The following YJEFN3 variants were observed in gnomAD, a reference collection of about 807,000 sequenced individuals.
YJEFN3 encodes YjeF N-terminal domain containing 3.
In YJEFN3, 29 loss-of-function variants were observed where a neutral mutation model predicts 31.5. The observed-to-expected ratio is 0.92, with a 90% confidence interval of 0.69 to 1.26. The LOEUF is 1.26. Ranked by LOEUF, YJEFN3 falls within the 50% of genes most tolerant of loss-of-function variation. The pLI is 0.00. For synonymous variants in YJEFN3, 227 were observed against 196.1 expected (o/e 1.16, Z -1.32); for missense variants, 442 against 425.4 (o/e 1.04, Z -0.34).
At chr19:19,530,296 C>A (rs1044422042) in intron 2 of YJEFN3, among the ~76,000 whole-genome samples, 1 of 152,042 alleles carries the variant, frequency 6.6e-6, no homozygotes, top group Non-Finnish European at 1.5e-5. Context: ...CCACTGAACA[C>A]CCCCAGAATC....
chr19:19,533,177 C>T (rs148386770), intron 3 of YJEFN3: 19 of 997,754 alleles, frequency 1.9e-5, no homozygotes, highest in Middle Eastern at 5.0e-4. Flanking sequence ...GAGCTGCAAC[C>T]CAGGTGTGTC....
At chr19:19,535,290 T>C (rs1448627746) in intron 4 of YJEFN3, 47 bp from the exon 5 acceptor site, 1 of 1,582,280 alleles carries the variant, frequency 6.3e-7, no homozygotes, top group African/African-American at 1.3e-5. Flanking sequence ...GGTCTGGTGC[T>C]GGTGACCAGG....
intron 2 of YJEFN3, among the ~76,000 whole-genome samples, chr19:19,532,081 G>C (rs771458017): frequency 6.6e-6 from 1 of 152,040 alleles, no homozygotes; most frequent in African/African-American, 2.4e-5. Flanking sequence ...CCTGAAAATC[G>C]GTCACCAAAG....
rs762574757 is a variant in YJEFN3, at chr19:19,535,558, G to A, written c.573G>A (p.Leu191=). The change falls in exon 6 of 7, where the codon CTG becomes CTA. Residue 191 remains leucine (L), a synonymous_variant. Transcript: ENST00000514277. ...AGCTCATTAACGAAGCCTATGGGCTGGTGGTGGATGCCGTACTGGGCCCCG... is the reference window on the plus strand; with the variant it reads ...AGCTCATTAACGAAGCCTATGGGCTAGTGGTGGATGCCGTACTGGGCCCCG... ...EVQLINEAYG[L]VVDAVLGPGV... 1.9e-6 allele frequency: 3 copies of A among 1,592,064 alleles called. No individual in the cohort carries two copies. In the South Asian group the frequency reaches 3.4e-5, roughly 18 times the overall value.
At position 19,534,768 on chromosome 19, in the gene YJEFN3, CGCACTCCGGGCGACGG is replaced by C. The variant is rs1555728657; in HGVS notation, c.319-262_319-247del. On this transcript the variant is annotated intron_variant, in intron 3 of 6. Coordinates refer to ENST00000514277, the MANE Select transcript of YJEFN3 (RefSeq NM_198537.4). This position sits in a 1 kb window ranked among gnomAD's most constrained non-coding sequence, Gnocchi z 4.6. The stretch of plus-strand genomic sequence containing the variant: ...CAACTCAGGCGGAGAATAAACAAAC[CGCACTCCGGGCGACGG>C]GCAGTGGCTGGATGCACGTTTTTCC... The C allele has an allele frequency of 2.9e-5, 10 of 349,944 alleles. No individual in the cohort carries two copies. Among genetic ancestry groups the C allele is most frequent in the Non-Finnish European group, 3.6e-5 (7 of 193,856 alleles). 21.7% of individuals were successfully genotyped at this position (349,944 alleles called of 1,614,324 possible).
intron 2 of YJEFN3, among the ~76,000 whole-genome samples, chr19:19,530,508 G>A (rs541032504): frequency 1.3e-5 from 2 of 152,092 alleles, no homozygotes; most frequent in South Asian, 4.2e-4. Flanking sequence ...GGCTGCTAGA[G>A]GCCAAAGCTT....
At chr19:19,536,455 C>T (rs780033679) in intron 6 of YJEFN3, among the ~76,000 whole-genome samples, 18 of 152,116 alleles carry the variant, frequency 1.2e-4, no homozygotes, top group South Asian at 2.1e-4. Flanking sequence ...TCGAGGTGGG[C>T]GGGTCACCTG....
At position 19,535,139 on chromosome 19, in the gene YJEFN3, G is replaced by T. The variant is rs1428911062; in HGVS notation, c.424G>T (p.Val142Leu). ...GCTGGTCTGTGCCCGGCACCTGCGG[G>T]TGTTTGTAAGTAGCAAGGACCCCTT... ...VGLVCARHLR[V>L]FEYEPTIFYP... The change falls in exon 4 of 7, where the codon GTG (valine) becomes TTG (leucine). Residue 142 changes from valine to leucine, a missense_variant. By Grantham distance (32) the Val-to-Leu change is conservative (BLOSUM62 1). Transcript: ENST00000514277. 6.2e-7 allele frequency: 1 copy of T among 1,600,874 alleles called. No individual in the cohort carries two copies. The highest frequency in any genetic ancestry group is 1.3e-5 in the African/African-American group (1 of 74,604).
chr19:19,536,815 C>T (rs1470279291), intron 6 of YJEFN3, among the ~76,000 whole-genome samples: 1 of 152,004 alleles, frequency 6.6e-6, no homozygotes, highest in Non-Finnish European at 1.5e-5. Context: ...ACTAAATATA[C>T]AAAAATTAGC....
chr19:19,529,052 G>T (rs1404711223), intron 1 of YJEFN3, 61 bp downstream of exon 1: 1 of 1,542,206 alleles, frequency 6.5e-7, no homozygotes, highest in Middle Eastern at 1.7e-4. Flanking sequence ...GGAGCAGCCC[G>T]TAGGACCGGA....
intron 6 of YJEFN3, among the ~76,000 whole-genome samples, chr19:19,536,878 G>A (rs2061214459): frequency 6.6e-6 from 1 of 152,156 alleles, no homozygotes; most frequent in African/African-American, 2.4e-5. Context: ...GCTGAGACAG[G>A]AGAATTGCTT....
chr19:19,532,707 G>A lies in YJEFN3; in HGVS notation c.285G>A (p.Leu95=). The A allele has an allele frequency of 6.3e-7, 1 of 1,575,260 alleles. No homozygotes were observed. The highest frequency in any genetic ancestry group is 2.3e-5 in the East Asian group (1 of 42,752). Residue 95 remains leucine (L), a synonymous_variant, in exon 3 of 7, where the codon CTG becomes CTA. Coordinates refer to ENST00000514277, the MANE Select transcript of YJEFN3 (RefSeq NM_198537.4). ...TTGGGCGGCAGCAGCTCGTGGAGCT[G>A]TGCGGTCATGCTAGTGCCGTGGCTG... is the stretch of plus-strand genomic sequence containing the variant. ...YRFGRQQLVE[L]CGHASAVAVT... is the part of the protein sequence containing the mutation.
intron 6 of YJEFN3, chr19:19,536,054 A>C (rs1600370655): frequency 3.9e-6 from 2 of 513,946 alleles, no homozygotes; most frequent in South Asian, 2.6e-5. Context: ...GGCCAGCCGG[A>C]CCCTCCGTGG....
chr19:19,532,750 C>T lies in YJEFN3; in HGVS notation c.318+10C>T, dbSNP rs778247075. 1.9e-6 allele frequency: 3 copies of T among 1,544,338 alleles called. No individual in the cohort carries two copies. Among genetic ancestry groups the T allele is most frequent in the Non-Finnish European group, 2.6e-6 (3 of 1,146,932 alleles). ...CGTGGCTGTGACCAAGGTACCTGAC[C>T]CCTGACCCCCAACCCTGACCCCAAC... On this transcript the variant is annotated intron_variant, in intron 3 of 6. Transcript: ENST00000514277.
chr19:19,534,114 G>A lies in YJEFN3; in HGVS notation c.319-920G>A, dbSNP rs896626890. On this transcript the variant is annotated intron_variant, in intron 3 of 6. Transcript: ENST00000514277. The surrounding 1 kb of genome is among the most constrained non-coding windows in gnomAD (Gnocchi z 4.6). Reference sequence around the variant, plus strand: ...GCCAAACTGAGTCTGGGAGAGAAGGGGCTGGGGCCACGCAGAATCAGGGCA... The same window carrying A: ...GCCAAACTGAGTCTGGGAGAGAAGGAGCTGGGGCCACGCAGAATCAGGGCA... 3.3e-5 allele frequency: 33 copies of A among 985,570 alleles called. No homozygotes were observed. Among genetic ancestry groups the A allele is most frequent in the Non-Finnish European group, 3.9e-5 (32 of 830,082 alleles). The allele number at this position is 985,570 out of a possible 1,614,324, so 61.1% of individuals were successfully genotyped here. A position where few individuals can be genotyped will look rare whatever the true frequency, so the allele number is the denominator to read the frequency against.
At position 19,535,451 on chromosome 19, in the gene YJEFN3, G is replaced by A; in HGVS notation, c.543+1G>A. 1 of 1,613,944 alleles carries A rather than the reference G, an allele frequency of 6.2e-7. No individual in the cohort carries two copies. The highest frequency in any genetic ancestry group is 8.5e-7 in the Non-Finnish European group (1 of 1,179,950). Reference sequence around the variant, plus strand: ...CTTCCTGAGCTACCTGCCCACTGAGGTCAGCGCTGGGTGGCAAGCAAGGGG... The same window carrying A: ...CTTCCTGAGCTACCTGCCCACTGAGATCAGCGCTGGGTGGCAAGCAAGGGG... On this transcript the variant is annotated splice_donor_variant, in intron 5 of 6. Coordinates refer to ENST00000514277, the MANE Select transcript of YJEFN3 (RefSeq NM_198537.4). LOFTEE classifies it high-confidence loss of function.
intron 6 of YJEFN3, chr19:19,536,106 C>A (rs2061206910): frequency 1.1e-5 from 5 of 436,432 alleles, no homozygotes; most frequent in Non-Finnish European, 2.0e-5. Context: ...CTCTCGGGAT[C>A]CCAGGGACAT....
Position 19,535,397 on chromosome 19 carries a change from A to C in YJEFN3, c.490A>C (p.Thr164Pro), listed in dbSNP as rs767548361. The C allele has an allele frequency of 6.8e-6, 11 of 1,613,840 alleles. No homozygotes were observed. The South Asian group carries it at 1.2e-4, about 18-fold the overall frequency. The change falls in exon 5 of 7, where the codon ACC (threonine) becomes CCC (proline). Residue 164 changes from threonine to proline, a missense_variant. Physicochemically the swap from Thr to Pro is conservative, Grantham distance 38. Transcript: ENST00000514277. ...GCTGGACCTGCTGCATCGGGACCTG[A>C]CCACCCAGTGCGAGAAGATGGACAT... ...RSLDLLHRDL[T>P]TQCEKMDIPF...
chr19:19,528,930 G>C lies in YJEFN3; in HGVS notation c.-3G>C, dbSNP rs2061124751. 2 of 1,548,398 alleles carry C rather than the reference G, an allele frequency of 1.3e-6. No homozygotes were observed. The highest frequency in any genetic ancestry group is 1.7e-6 in the Non-Finnish European group (2 of 1,146,196). Reference sequence around the variant, plus strand: ...GCGCCCGGCGCCCGGGCTCACCTCGGCCATGAGCAGCGCAGCCGGCCCAGA... The same window carrying C: ...GCGCCCGGCGCCCGGGCTCACCTCGCCCATGAGCAGCGCAGCCGGCCCAGA... On this transcript the variant is annotated 5_prime_UTR_variant, in exon 1 of 7. Coordinates refer to ENST00000514277, the MANE Select transcript of YJEFN3 (RefSeq NM_198537.4).
Sources: allele counts gnomAD v4.1 joint callset (sites outside exome capture counted in the v4.1 genomes callset), GRCh38; gene constraint gnomAD v4.1.1; non-coding constraint Gnocchi (gnomAD v3.1); transcripts MANE v1.5; gene names NCBI Gene and HGNC (gene_info 2026-07-23, HGNC 2026-07-21).